Variants in KCNJ3 observed in about 807,000 individuals in gnomAD.
The protein encoded by KCNJ3 is G protein-activated inward rectifier potassium channel 1.
KCNJ3 carries 4 observed loss-of-function variants against 39.2 expected under a neutral mutation model. The observed-to-expected ratio is 0.10, with a 90% confidence interval of 0.05 to 0.23. The LOEUF (loss-of-function observed/expected upper bound fraction) is 0.23, where lower values mean the gene tolerates loss of function less well. KCNJ3 is among the 10% of genes least tolerant of loss of function. KCNJ3 has a pLI of 1.00. For missense variants in KCNJ3, 276 were observed against 634.9 expected, an observed-to-expected ratio of 0.43 and a Z score of 6.08; for synonymous variants, 230 against 237.4, an observed-to-expected ratio of 0.97 and a Z score of 0.29.
At chr2:154,818,720 G>C (rs1426802003) in intron 2 of KCNJ3, among the ~76,000 whole-genome samples, 1 of 152,090 alleles carries the variant, frequency 6.6e-6, no homozygotes, top group Non-Finnish European at 1.5e-5. Context: ...AATGACAAGA[G>C]TATTCAGTTA....
chr2:154,824,291 G>A (rs1482670099), intron 2 of KCNJ3, among the ~76,000 whole-genome samples: 5 of 152,156 alleles, frequency 3.3e-5, no homozygotes, highest in South Asian at 4.2e-4. Context: ...AGCTGTGATC[G>A]CGCCACTGCA....
chr2:154,746,670 G>GTA (rs1685750731), intron 2 of KCNJ3, among the ~76,000 whole-genome samples: 1 of 149,286 alleles, frequency 6.7e-6, no homozygotes, highest in South Asian at 2.1e-4. Flanking sequence ...GTGTGTGTGT[G>GTA]TGTTTTCAAA....
intron 2 of KCNJ3, among the ~76,000 whole-genome samples, chr2:154,716,159 C>G (rs1277349428): frequency 6.6e-6 from 1 of 151,570 alleles, no homozygotes; most frequent in Non-Finnish European, 1.5e-5. Context: ...TGCAGTGGTG[C>G]GATCTCGGCT....
intron 2 of KCNJ3, among the ~76,000 whole-genome samples, chr2:154,816,427 T>C (rs1229879971): frequency 2.0e-5 from 3 of 152,202 alleles, no homozygotes; most frequent in Non-Finnish European, 2.9e-5. Context: ...ACATGCATTT[T>C]AGAATGCCTG....
chr2:154,807,604 G>A (rs1480519738), intron 2 of KCNJ3, among the ~76,000 whole-genome samples: 1 of 152,150 alleles, frequency 6.6e-6, no homozygotes, highest in Non-Finnish European at 1.5e-5. Flanking sequence ...ATACAAATGG[G>A]GATGGAGATG....
At chr2:154,726,988 G>C (rs1257572782) in intron 2 of KCNJ3, among the ~76,000 whole-genome samples, 1 of 152,018 alleles carries the variant, frequency 6.6e-6, no homozygotes, top group Non-Finnish European at 1.5e-5. Flanking sequence ...GCATAAGAAT[G>C]ATCAGTGGAC....
At chr2:154,743,715 A>C (rs962018340) in intron 2 of KCNJ3, among the ~76,000 whole-genome samples, 1 of 151,512 alleles carries the variant, frequency 6.6e-6, no homozygotes, top group Non-Finnish European at 1.5e-5. Context: ...TTGTTCCAAG[A>C]GGTTTTGTAT....
chr2:154,783,745 C>T (rs202005505), intron 2 of KCNJ3, among the ~76,000 whole-genome samples: 2 of 152,244 alleles, frequency 1.3e-5, no homozygotes, highest in East Asian at 3.9e-4. Context: ...TTATACCCTA[C>T]CTCCTTAACT....
At chr2:154,839,974 C>A (rs892227721) in intron 2 of KCNJ3, among the ~76,000 whole-genome samples, 4 of 152,034 alleles carry the variant, frequency 2.6e-5, no homozygotes, top group Non-Finnish European at 4.4e-5. Flanking sequence ...GCTTTTGTTG[C>A]CATTGCTTTT....
chr2:154,850,806 A>G (rs1212363102), intron 2 of KCNJ3, among the ~76,000 whole-genome samples: 2 of 152,150 alleles, frequency 1.3e-5, no homozygotes, highest in African/African-American at 4.8e-5. Context: ...GCCTTTTAAT[A>G]CACCCCATAT....
chr2:154,798,012 C>G (rs1686750185), intron 2 of KCNJ3, among the ~76,000 whole-genome samples: 1 of 151,982 alleles, frequency 6.6e-6, no homozygotes, highest in African/African-American at 2.4e-5. Flanking sequence ...CTCCCAGCCT[C>G]TGGCAACCAC....
chr2:154,853,467 T>C (rs895427073), intron 2 of KCNJ3, among the ~76,000 whole-genome samples: 63 of 152,084 alleles, frequency 4.1e-4, no homozygotes, highest in Non-Finnish European at 7.8e-4. Flanking sequence ...AAATTACTTA[T>C]AATGGATGGG....
At chr2:154,816,520 C>G (rs1249611795) in intron 2 of KCNJ3, among the ~76,000 whole-genome samples, 1 of 152,086 alleles carries the variant, frequency 6.6e-6, no homozygotes, top group Non-Finnish European at 1.5e-5. Flanking sequence ...AAAGCACATT[C>G]ACAAATACTT....
At chr2:154,847,838 G>C (rs529735667) in intron 2 of KCNJ3, among the ~76,000 whole-genome samples, 2 of 152,226 alleles carry the variant, frequency 1.3e-5, no homozygotes, top group South Asian at 4.1e-4. Context: ...TGGTGGAGCT[G>C]GGATTCAGTG....
At position 154,699,485 on chromosome 2, in the gene KCNJ3, C is replaced by T; in HGVS notation, c.702+8C>T. 1 of 1,563,018 alleles carries T rather than the reference C, an allele frequency of 6.4e-7. No individual in the cohort carries two copies. Among genetic ancestry groups the T allele is most frequent in the East Asian group, 2.3e-5 (1 of 43,082 alleles). ...CGCTGCAAGCTGCTCAAAGTAAGTG[C>T]TCCCCGCCCCTTCCCCACCGGGAGA... On this transcript the variant is annotated splice_region_variant and intron_variant, in intron 1 of 2. Coordinates refer to ENST00000295101, the MANE Select transcript of KCNJ3 (RefSeq NM_002239.4). The surrounding 1 kb of genome is among the most constrained non-coding windows in gnomAD (Gnocchi z 6.4).
At chr2:154,706,841 A>G (rs548661591) in intron 1 of KCNJ3, among the ~76,000 whole-genome samples, 4 of 152,152 alleles carry the variant, frequency 2.6e-5, no homozygotes, top group Non-Finnish European at 5.9e-5. Context: ...CTCAGACTTC[A>G]AACAATTGTA....
At chr2:154,740,267 A>C (rs1412456747) in intron 2 of KCNJ3, among the ~76,000 whole-genome samples, 2 of 151,882 alleles carry the variant, frequency 1.3e-5, no homozygotes, top group Non-Finnish European at 2.9e-5. Context: ...TCCTTGATTG[A>C]TCTTATGTTC....
intron 2 of KCNJ3, among the ~76,000 whole-genome samples, chr2:154,784,495 G>C (rs1387893746): frequency 6.6e-6 from 1 of 152,172 alleles, no homozygotes; most frequent in Non-Finnish European, 1.5e-5. Flanking sequence ...CAATTCTCCT[G>C]CCTCAGCCTC....
intron 2 of KCNJ3, among the ~76,000 whole-genome samples, chr2:154,715,622 CTT>C (rs1361417306): frequency 6.6e-6 from 1 of 152,174 alleles, no homozygotes; most frequent in Non-Finnish European, 1.5e-5. Flanking sequence ...AAACTTTACT[CTT>C]AATTTTATCT....
Sources: gnomAD v4.1 joint callset for allele counts (sites outside exome capture counted in the v4.1 genomes callset) on GRCh38, gnomAD v4.1.1 for gene constraint, Gnocchi (gnomAD v3.1) non-coding constraint, MANE v1.5 for transcripts, NCBI Gene and HGNC (gene_info 2026-07-23, HGNC 2026-07-21) for gene names.